Variants in TBC1D14 observed in about 807,000 individuals in gnomAD.
TBC1D14 encodes the protein TBC1 domain family member 14.
TBC1D14 carries 26 observed loss-of-function variants against 79.0 expected under a neutral mutation model. That is an observed-to-expected ratio of 0.33 (90% CI 0.24 to 0.46). The LOEUF is 0.46. Ranked by LOEUF, TBC1D14 falls within the 20% of genes least tolerant of loss-of-function variation. TBC1D14 has a pLI of 1.00. For missense variants in TBC1D14, 769 were observed against 887.6 expected (o/e 0.87, Z 1.70); for synonymous variants, 394 against 349.9 (o/e 1.13, Z -1.40).
At chr4:7,007,688 G>C in intron 9 of TBC1D14, 1 of 1,075,734 alleles carries the variant, frequency 9.3e-7, no homozygotes, top group Non-Finnish European at 1.2e-6. Flanking sequence ...CTGGGAGCCT[G>C]TTTCCTGGAA....
At chr4:6,941,599 G>A (rs774300215) in intron 2 of TBC1D14, among the ~76,000 whole-genome samples, 2 of 151,950 alleles carry the variant, frequency 1.3e-5, no homozygotes, top group African/African-American at 2.4e-5. Context: ...CAGGAATGGC[G>A]TGAACTGAAC....
At chr4:6,995,637 T>A (rs1464904225) in intron 4 of TBC1D14, 2 of 151,982 alleles carry the variant, frequency 1.3e-5, no homozygotes, top group East Asian at 1.9e-4. Context: ...CTCAGCCTCC[T>A]GAGTAGCTGG....
chr4:6,965,257 A>G (rs1415749095), intron 2 of TBC1D14, among the ~76,000 whole-genome samples: 2 of 152,002 alleles, frequency 1.3e-5, no homozygotes, highest in South Asian at 4.1e-4. Flanking sequence ...TCCTGGGTTC[A>G]AGCGATTCTC....
chr4:7,001,547 G>T, intron 7 of TBC1D14: 1 of 329,672 alleles, frequency 3.0e-6, no homozygotes, highest in Non-Finnish European at 5.7e-6. Context: ...AGGAAGGCAA[G>T]CCTTGCCTGC....
intron 3 of TBC1D14, among the ~76,000 whole-genome samples, chr4:6,981,010 C>T (rs1160087829): frequency 2.0e-5 from 3 of 149,126 alleles, no homozygotes; most frequent in African/African-American, 7.4e-5. Flanking sequence ...CCACCGCGCC[C>T]GGCCTCTGTC....
intron 2 of TBC1D14, among the ~76,000 whole-genome samples, chr4:6,933,903 C>G (rs1197744249): frequency 1.3e-5 from 2 of 152,080 alleles, no homozygotes; most frequent in African/African-American, 4.8e-5. Flanking sequence ...ACCTGGGTGG[C>G]AGCTGTAGGG....
At chr4:6,977,135 T>TCTCCCCACGGTCTCCCA in intron 3 of TBC1D14, among the ~76,000 whole-genome samples, 1 of 90,738 alleles carries the variant, frequency 1.1e-5, no homozygotes, top group Non-Finnish European at 2.3e-5. Flanking sequence ...ACGGTCTCCC[T>TCTCCCCACGGTCTCCCA]CTCCCTCTCT....
intron 1 of TBC1D14, among the ~76,000 whole-genome samples, chr4:6,921,116 G>C (rs965236497): frequency 3.9e-5 from 6 of 152,198 alleles, no homozygotes; most frequent in Admixed American, 3.3e-4. Context: ...GTTGATGCCA[G>C]TGTTCTCAGT....
chr4:6,935,502 G>A (rs1712221421), intron 2 of TBC1D14, among the ~76,000 whole-genome samples: 1 of 151,972 alleles, frequency 6.6e-6, no homozygotes, highest in Admixed American at 6.6e-5. Flanking sequence ...GCTCTTGCAG[G>A]CACTCTCGTG....
At chr4:6,954,026 G>T (rs1411915723) in intron 2 of TBC1D14, among the ~76,000 whole-genome samples, 1 of 152,214 alleles carries the variant, frequency 6.6e-6, no homozygotes, top group Non-Finnish European at 1.5e-5. Context: ...GCGGAGCCGT[G>T]TCCCAGGCCC....
At chr4:6,956,151 T>A (rs1714612854) in intron 2 of TBC1D14, among the ~76,000 whole-genome samples, 2 of 152,146 alleles carry the variant, frequency 1.3e-5, no homozygotes, top group African/African-American at 4.8e-5. Flanking sequence ...TGTACTTTGT[T>A]TTCATAATAA....
intron 2 of TBC1D14, among the ~76,000 whole-genome samples, chr4:6,949,826 G>T (rs191498870): frequency 5.7e-4 from 86 of 151,952 alleles, no homozygotes; most frequent in South Asian, 1.7e-3. Flanking sequence ...TACTGTTTGG[G>T]ATGGTTTTAC....
intron 2 of TBC1D14, among the ~76,000 whole-genome samples, chr4:6,934,023 G>A (rs904273157): frequency 6.6e-6 from 1 of 152,190 alleles, no homozygotes; most frequent in Non-Finnish European, 1.5e-5. Context: ...AAGTTGGAGT[G>A]AAGATGAGGG....
At chr4:7,001,054 C>T (rs1719626138) in intron 6 of TBC1D14, 91 bp from the exon 7 acceptor site, 1 of 1,043,516 alleles carries the variant, frequency 9.6e-7, no homozygotes, top group Non-Finnish European at 1.5e-6. Context: ...AACGGTGCAT[C>T]CCAGCTCTTG....
intron 2 of TBC1D14, among the ~76,000 whole-genome samples, chr4:6,924,678 C>T (rs1213946961): frequency 6.6e-6 from 1 of 152,188 alleles, no homozygotes; most frequent in Non-Finnish European, 1.5e-5. Flanking sequence ...TGGCCATGCA[C>T]TCCGTCCCCA....
chr4:7,032,813 G>A lies in TBC1D14; in HGVS notation c.*2421G>A, dbSNP rs556099354. 1 of 152,246 alleles carries A rather than the reference G, an allele frequency of 6.6e-6. No homozygotes were observed. The highest frequency in any genetic ancestry group is 1.5e-5 in the Non-Finnish European group (1 of 68,044). 9.4% of individuals were successfully genotyped at this position (152,246 alleles called of 1,614,324 possible). A position where few individuals can be genotyped will look rare whatever the true frequency, so the allele number is the denominator to read the frequency against. Reference sequence around the variant, plus strand: ...ACTTCACATGCCGTTGACTCTCACAGTCTAAGACTTCAGGGCCGGGACCTT... The same window carrying A: ...ACTTCACATGCCGTTGACTCTCACAATCTAAGACTTCAGGGCCGGGACCTT... On this transcript the variant is annotated 3_prime_UTR_variant, in exon 14 of 14. Transcript: ENST00000409757.
In TBC1D14 at chr4:6,999,096, G is replaced by A; in HGVS notation, c.1057G>A (p.Ala353Thr). 6.2e-7 allele frequency: 1 copy of A among 1,614,094 alleles called. No homozygotes were observed. The highest frequency in any genetic ancestry group is 8.5e-7 in the Non-Finnish European group (1 of 1,179,950). ...ATTGTGATTTCTAGAGCTGAAAGAAGCCCAGCGAAGGAAGAAGCAGCTGGA... is the reference window on the plus strand; with the variant it reads ...ATTGTGATTTCTAGAGCTGAAAGAAACCCAGCGAAGGAAGAAGCAGCTGGA... ...VQAKKRELKE[A>T]QRRKKQLEER... Residue 353 changes from alanine (A) to threonine (T), a missense_variant, in exon 6 of 14, where the codon GCC becomes ACC. By Grantham distance (58) the Ala-to-Thr change is moderately conservative. Around this residue, in one of 2 missense-constraint regions of TBC1D14, gnomAD observed 367 missense variants for 494.4 expected, o/e 0.74. Coordinates refer to ENST00000409757, the MANE Select transcript of TBC1D14 (RefSeq NM_020773.3).
In TBC1D14 at chr4:7,006,622, C is replaced by G. The variant is rs763959888; in HGVS notation, c.1352-10C>G. 9 of 1,612,628 alleles carry G rather than the reference C, an allele frequency of 5.6e-6. No homozygotes were observed. In the South Asian group the frequency reaches 8.8e-5, roughly 16 times the overall value. Reference sequence around the variant, plus strand: ...TGAGGAATGTAATTATTTTTGGCATCTTTTGACAGATGCTGGTTTTTCAGC... The same window carrying G: ...TGAGGAATGTAATTATTTTTGGCATGTTTTGACAGATGCTGGTTTTTCAGC... On this transcript the variant is annotated splice_polypyrimidine_tract_variant and intron_variant, in intron 8 of 13. Coordinates refer to ENST00000409757, the MANE Select transcript of TBC1D14 (RefSeq NM_020773.3).
At chr4:6,917,081 A>C (rs1197466788) in intron 1 of TBC1D14, among the ~76,000 whole-genome samples, 1 of 151,950 alleles carries the variant, frequency 6.6e-6, no homozygotes, top group Admixed American at 6.6e-5. Context: ...GCTGGTGTGC[A>C]CTCTCCGGGA....
Sources: gnomAD v4.1 joint callset for allele counts (sites outside exome capture counted in the v4.1 genomes callset) on GRCh38, gnomAD v4.1.1 for gene constraint, gnomAD v4.1.1 regional missense constraint, MANE v1.5 for transcripts, NCBI Gene and HGNC (gene_info 2026-07-23, HGNC 2026-07-21) for gene names.